PRELID2: variants seen among roughly 807,000 people sequenced by gnomAD.
PRELID2 encodes PRELI domain-containing protein 2.
Under a neutral mutation model 28.4 loss-of-function variants are expected in PRELID2, and 25 were observed. The ratio of observed to expected loss-of-function variants is 0.88; its 90% confidence interval spans 0.64 to 1.23. PRELID2 has a LOEUF of 1.23. Ranked by LOEUF, PRELID2 falls within the 50% of genes most tolerant of loss-of-function variation. The pLI is 0.00. For synonymous variants in PRELID2, 76 were observed against 71.6 expected, an observed-to-expected ratio of 1.06 and a Z score of -0.31; for missense variants, 201 against 214.4, an observed-to-expected ratio of 0.94 and a Z score of 0.39.
At chr5:145,680,576 AT>A (rs1362516929) in intron 1 of PRELID2, among the ~76,000 whole-genome samples, 5 of 152,228 alleles carry the variant, frequency 3.3e-5, no homozygotes, top group African/African-American at 4.8e-5. Context: ...AGAAGAGACA[AT>A]TTGTTAATAG....
chr5:145,662,866 A>G (rs1336860358), intron 1 of PRELID2, among the ~76,000 whole-genome samples: 1 of 152,142 alleles, frequency 6.6e-6, no homozygotes, highest in Non-Finnish European at 1.5e-5. Context: ...TTTTCTTTAT[A>G]AATTACCCAG....
chr5:145,724,541 C>T (rs1380891523), intron 1 of PRELID2, among the ~76,000 whole-genome samples: 3 of 136,458 alleles, frequency 2.2e-5, no homozygotes, highest in Non-Finnish European at 4.7e-5. Context: ...CATACTTATA[C>T]TTTTGTTATT....
At chr5:145,245,733 T>G in the PRELID2 span, among the ~76,000 whole-genome samples, 2 of 152,038 alleles carry the variant, frequency 1.3e-5, no homozygotes, top group South Asian at 2.1e-4. Flanking sequence ...AATGTAATAG[T>G]TAACAGCACA....
intron 1 of PRELID2, among the ~76,000 whole-genome samples, chr5:145,544,695 T>A (rs923637137): frequency 2.0e-5 from 3 of 152,130 alleles, no homozygotes; most frequent in Admixed American, 6.6e-5. Flanking sequence ...ATACAGTTCA[T>A]TTTAAGTTCA....
chr5:145,283,125 G>A, the PRELID2 span, among the ~76,000 whole-genome samples: 1 of 152,088 alleles, frequency 6.6e-6, no homozygotes, highest in East Asian at 1.9e-4. Context: ...CAGCATTAAG[G>A]GGCTGCTAAA....
chr5:145,261,297 G>A, the PRELID2 span, among the ~76,000 whole-genome samples: 1 of 152,178 alleles, frequency 6.6e-6, no homozygotes, highest in Non-Finnish European at 1.5e-5. Flanking sequence ...TGACCCTAGG[G>A]CAAGCTTGTA....
At chr5:145,463,891 A>G in the PRELID2 span, among the ~76,000 whole-genome samples, 2 of 152,228 alleles carry the variant, frequency 1.3e-5, no homozygotes, top group Non-Finnish European at 2.9e-5. Flanking sequence ...GATAAAAGTT[A>G]CCAAAGCTTT....
intron 1 of PRELID2, among the ~76,000 whole-genome samples, chr5:145,512,520 A>G (rs1408344380): frequency 6.6e-6 from 1 of 152,202 alleles, no homozygotes; most frequent in Non-Finnish European, 1.5e-5. Flanking sequence ...TCAAACTCCC[A>G]TCTCCCAGGG....
chr5:145,725,992 G>A (rs1756134639), intron 1 of PRELID2, among the ~76,000 whole-genome samples: 2 of 151,968 alleles, frequency 1.3e-5, no homozygotes, highest in South Asian at 4.2e-4. Context: ...AGACCAGCTA[G>A]GGCAACATAG....
At chr5:145,695,040 C>T (rs2044573139) in intron 1 of PRELID2, among the ~76,000 whole-genome samples, 1 of 152,126 alleles carries the variant, frequency 6.6e-6, no homozygotes, top group Admixed American at 6.6e-5. Flanking sequence ...TCAGTAGTGT[C>T]CCAAAAAGTC....
chr5:145,434,390 C>G, the PRELID2 span, among the ~76,000 whole-genome samples: 63 of 152,246 alleles, frequency 4.1e-4, 1 homozygote, highest in South Asian at 0.013. Context: ...ACTTTATGTT[C>G]AGGCTTCAAA....
intron 1 of PRELID2, among the ~76,000 whole-genome samples, chr5:145,532,398 A>T (rs1307871068): frequency 6.6e-6 from 1 of 152,154 alleles, no homozygotes; most frequent in East Asian, 1.9e-4. Flanking sequence ...ATCCTTTAGT[A>T]AACATATACG....
chr5:145,612,697 G>A (rs1753634357), intron 1 of PRELID2, among the ~76,000 whole-genome samples: 1 of 151,996 alleles, frequency 6.6e-6, no homozygotes, highest in Non-Finnish European at 1.5e-5. Flanking sequence ...ACATATCAGT[G>A]AAAACATACG....
At position 145,512,322 on chromosome 5, in the gene PRELID2, G is replaced by T. The variant is rs549876380; in HGVS notation, n.71-39007C>A. 1.4e-4 allele frequency among the ~76,000 whole-genome samples: 21 copies of T among 152,288 alleles called. No homozygotes were observed. The South Asian group carries it at 4.4e-3, about 32-fold the overall frequency. ...AGAGTGAGAGCCAAAGCAGGGTGGG[G>T]AGTCGCCTCACTTGGGAAGTGCGCG... On this transcript the variant is annotated intron_variant and non_coding_transcript_variant, in intron 1 of 2. Coordinates refer to the PRELID2 transcript ENST00000510259.
At chr5:145,715,730 C>G (rs1294548889) in intron 1 of PRELID2, among the ~76,000 whole-genome samples, 1 of 152,180 alleles carries the variant, frequency 6.6e-6, no homozygotes, top group African/African-American at 2.4e-5. Context: ...GCTAGTCATG[C>G]TCCAGAAATG....
the PRELID2 span, among the ~76,000 whole-genome samples, chr5:145,354,970 C>G: frequency 6.6e-6 from 1 of 152,024 alleles, no homozygotes. Flanking sequence ...TATTAAAGAC[C>G]AAACAAAATT....
chr5:145,316,940 A>C, the PRELID2 span, among the ~76,000 whole-genome samples: 1 of 152,140 alleles, frequency 6.6e-6, no homozygotes, highest in East Asian at 1.9e-4. Context: ...TGCTCTCACA[A>C]ATCATCACAG....
chr5:145,410,462 A>G, the PRELID2 span, among the ~76,000 whole-genome samples: 1 of 152,148 alleles, frequency 6.6e-6, no homozygotes, highest in Non-Finnish European at 1.5e-5. Flanking sequence ...GAGACTGGAT[A>G]ATTTATTTAA....
chr5:145,792,092 A>G (rs560190608), intron 5 of PRELID2, among the ~76,000 whole-genome samples: 1 of 152,184 alleles, frequency 6.6e-6, no homozygotes, highest in South Asian at 2.1e-4. Context: ...ATTACCGTGT[A>G]TCACATCGCC....
Sources: allele counts gnomAD v4.1 joint callset (sites outside exome capture counted in the v4.1 genomes callset), GRCh38; gene constraint gnomAD v4.1.1; transcripts MANE v1.5; gene names NCBI Gene and HGNC (gene_info 2026-07-23, HGNC 2026-07-21).